XPO6: variants seen among roughly 807,000 people sequenced by gnomAD.
XPO6 encodes exportin-6.
In XPO6, 3 loss-of-function variants were observed where a neutral mutation model predicts 130.0. The observed-to-expected ratio is 0.02, with a 90% confidence interval of 0.01 to 0.06. XPO6 has a LOEUF of 0.06. Among genes scored for constraint, XPO6 ranks in the 10% least tolerant of loss-of-function variants. The pLI is 1.00. For synonymous variants in XPO6, 524 were observed against 548.9 expected (o/e 0.95, Z 0.63); for missense variants, 970 against 1,393.0 (o/e 0.70, Z 4.83).
At chr16:28,148,236 T>C (rs1056248633) in intron 8 of XPO6, among the ~76,000 whole-genome samples, 5 of 152,226 alleles carry the variant, frequency 3.3e-5, no homozygotes, top group East Asian at 1.9e-4. Flanking sequence ...AATTGAGGAC[T>C]TGCTATATGC....
At chr16:28,170,047 T>TA in intron 4 of XPO6, 138 bp from the exon 5 acceptor site, 1 of 1,191,026 alleles carries the variant, frequency 8.4e-7, no homozygotes, top group Non-Finnish European at 1.2e-6. Context: ...AAACATCACT[T>TA]AGAGGCCAGC....
chr16:28,113,142 T>C, intron 15 of XPO6, 92 bp from the exon 16 acceptor site: 1 of 1,480,654 alleles, frequency 6.8e-7, no homozygotes, highest in Non-Finnish European at 9.0e-7. Context: ...TGTGTCATTC[T>C]TGGTTTCCAA....
rs746335516 is a variant in XPO6, at chr16:28,156,255, C to G, written c.916G>C (p.Gly306Arg). ...GACATGGCCAGGACCCCCAGCCGGC[C>G]GCGCTCCTGACCCGAGACACAGTTC... ...SQNCVSGQERGRLGVLAMSCI... is the reference protein window; with the variant it reads ...SQNCVSGQERRRLGVLAMSCI... The change falls in exon 7 of 24, where the codon GGC becomes CGC. Residue 306 changes from glycine to arginine, a missense_variant. Gly to Arg is a moderately radical substitution (Grantham distance 125, BLOSUM62 -2). This residue lies in a region of XPO6 where 936 missense variants were observed against 1,306.8 expected (regional missense o/e 0.72). Transcript: ENST00000304658. 5.0e-6 allele frequency: 8 copies of G among 1,614,022 alleles called. No individual in the cohort carries two copies. In the East Asian group the frequency reaches 1.1e-4, roughly 22 times the overall value.
chr16:28,143,677 C>A (rs747642164), intron 9 of XPO6, among the ~76,000 whole-genome samples: 3 of 152,120 alleles, frequency 2.0e-5, no homozygotes, highest in African/African-American at 4.8e-5. Context: ...CATTCTGTCG[C>A]CTAGGCTGGA....
chr16:28,189,661 C>T (rs1156642370), intron 1 of XPO6, among the ~76,000 whole-genome samples: 2 of 152,164 alleles, frequency 1.3e-5, no homozygotes, highest in Non-Finnish European at 2.9e-5. Context: ...GCTGGGCAGG[C>T]GCGCCCACCC....
At chr16:28,116,048 C>A (rs1178475618) in intron 15 of XPO6, among the ~76,000 whole-genome samples, 1 of 152,226 alleles carries the variant, frequency 6.6e-6, no homozygotes, top group Non-Finnish European at 1.5e-5. Context: ...CTGAAACCTT[C>A]CTCATATCAA....
rs776224863 is a variant in XPO6 at position 28,098,550 on chromosome 16, A to G, written c.3366T>C (p.Thr1122=). Residue 1122 remains threonine (T), a synonymous_variant, in exon 24 of 24, where the codon ACT becomes ACC. Transcript: ENST00000304658. The stretch of plus-strand genomic sequence containing the variant: ...GGCAGTAGCAGGCCTAGAGCTTCAC[A>G]GTGCCAGGGGGCAGGCTGTCGTTGC... ...RLCNDSLPPG[T]VKL The G allele has an allele frequency of 8.7e-6, 14 of 1,611,524 alleles. No individual in the cohort carries two copies. The South Asian group carries it at 1.2e-4, about 14-fold the overall frequency.
chr16:28,117,450 G>A lies in XPO6; in HGVS notation c.1872C>T (p.Ser624=). 6.2e-7 allele frequency: 1 copy of A among 1,613,798 alleles called. No homozygotes were observed. Among genetic ancestry groups the A allele is most frequent in the South Asian group, 1.1e-5 (1 of 91,064 alleles). Residue 624 remains serine (S), a synonymous_variant, in exon 15 of 24, where the codon TCC becomes TCT. Transcript: ENST00000304658. ...GAGAGTAAGCCTGCAGCGCAGCCAG[G>A]GACTGAGCATGCCTGCAGAAAGAAA... is the stretch of plus-strand genomic sequence containing the variant. ...KPDLIDVHAQ[S]LAALQAYSHW... is the part of the protein sequence containing the mutation.
intron 1 of XPO6, among the ~76,000 whole-genome samples, chr16:28,189,651 G>A (rs1359160698): frequency 6.6e-6 from 1 of 152,150 alleles, no homozygotes; most frequent in African/African-American, 2.4e-5. Flanking sequence ...GACTGCTAAG[G>A]CTGGGCAGGC....
In XPO6 at chr16:28,111,983, G is replaced by C. The variant is rs1394462366; in HGVS notation, c.2175C>G (p.Ala725=). 1 of 1,613,152 alleles carries C rather than the reference G, an allele frequency of 6.2e-7. No homozygotes were observed. The highest frequency in any genetic ancestry group is 1.7e-5 in the Admixed American group (1 of 59,902). ...VDKAQVLVCR[A]LSNILLLPWP... ...ACGGAAGCAGCAAGATGTTAGAGAG[G>C]GCTCGGCACACCAACACCTGGGCCT... The change falls in exon 17 of 24, where the codon GCC becomes GCG. Residue 725 remains alanine (A), a synonymous_variant. Coordinates refer to ENST00000304658, the MANE Select transcript of XPO6 (RefSeq NM_015171.4).
chr16:28,192,373 C>G (rs142551447), intron 1 of XPO6, among the ~76,000 whole-genome samples: 1,898 of 152,216 alleles, frequency 0.012, 22 homozygotes, highest in Admixed American at 0.025. Context: ...CCAGGTTCCA[C>G]TCGGTTGCTA....
In XPO6 at chr16:28,140,749, ATGC is replaced by A. The variant is rs546857861; in HGVS notation, c.1334+5342_1334+5344del. 4.5e-4 allele frequency among the ~76,000 whole-genome samples: 69 copies of A among 152,272 alleles called. 1 individual carries two copies. In the East Asian group the frequency reaches 9.3e-3, roughly 20 times the overall value. On this transcript the variant is annotated intron_variant, in intron 9 of 23. Coordinates refer to ENST00000304658, the MANE Select transcript of XPO6 (RefSeq NM_015171.4). ...CTTAGAAGGAAATTTACAGCATTAA[ATGC>A]TTATATACACCACAGAGATAAGCCT...
intron 2 of XPO6, among the ~76,000 whole-genome samples, chr16:28,180,175 C>G (rs2043592846): frequency 6.6e-6 from 1 of 152,062 alleles, no homozygotes; most frequent in South Asian, 2.1e-4. Flanking sequence ...ACCCACCTGG[C>G]TAATACGGTG....
chr16:28,174,509 C>A (rs74014238), intron 4 of XPO6, among the ~76,000 whole-genome samples: 8,251 of 152,192 alleles, frequency 0.054, 572 homozygotes, highest in East Asian at 0.17. Flanking sequence ...ATTACTATAT[C>A]CCCTCATGTG....
At chr16:28,158,823 ATGCT>A (rs1425347672) in intron 6 of XPO6, among the ~76,000 whole-genome samples, 2 of 152,334 alleles carry the variant, frequency 1.3e-5, no homozygotes, top group African/African-American at 4.8e-5. Context: ...AGTGATTCTT[ATGCT>A]TGCTTGATTT....
chr16:28,165,440 C>T (rs763198394), intron 6 of XPO6: 33 of 152,196 alleles, frequency 2.2e-4, no homozygotes, highest in African/African-American at 7.2e-4. Flanking sequence ...TTCCTATGAG[C>T]TTATAATGCA....
At chr16:28,168,060 T>C (rs997116743) in intron 5 of XPO6, among the ~76,000 whole-genome samples, 3 of 152,194 alleles carry the variant, frequency 2.0e-5, no homozygotes, top group East Asian at 1.9e-4. Context: ...CCGGTCAATA[T>C]TGCACTTTAA....
At chr16:28,178,475 AGGAGGAGACCTT>A (rs2043565697) in intron 2 of XPO6, among the ~76,000 whole-genome samples, 1 of 150,826 alleles carries the variant, frequency 6.6e-6, no homozygotes, top group Non-Finnish European at 1.5e-5. Flanking sequence ...AGGCTGAGGC[AGGAGGAGACCTT>A]GCTCTGTTGC....
chr16:28,211,228 C>T (rs1353789946), intron 1 of XPO6, 138 bp downstream of exon 1: 7 of 856,630 alleles, frequency 8.2e-6, no homozygotes, highest in Admixed American at 4.3e-5. Context: ...ACACTCTGCA[C>T]GCATGTGTCA....
Sources: gnomAD v4.1 joint callset for allele counts (sites outside exome capture counted in the v4.1 genomes callset) on GRCh38, gnomAD v4.1.1 for gene constraint, gnomAD v4.1.1 regional missense constraint, MANE v1.5 for transcripts, NCBI Gene and HGNC (gene_info 2026-07-23, HGNC 2026-07-21) for gene names.